ERC2: variants seen among roughly 807,000 people sequenced by gnomAD.
The protein encoded by ERC2 is ERC protein 2.
Under a neutral mutation model 114.8 loss-of-function variants are expected in ERC2, and 42 were observed. That is an observed-to-expected ratio of 0.37 (90% CI 0.29 to 0.47). ERC2 has a LOEUF of 0.47. ERC2 is among the 20% of genes least tolerant of loss of function. The pLI is 0.99. For missense variants in ERC2, 939 were observed against 1,150.7 expected (o/e 0.82, Z 2.66); for synonymous variants, 454 against 425.5 (o/e 1.07, Z -0.82).
At chr3:55,578,257 C>T (rs1325996316) in intron 17 of ERC2, among the ~76,000 whole-genome samples, 1 of 152,228 alleles carries the variant, frequency 6.6e-6, no homozygotes, top group Non-Finnish European at 1.5e-5. Flanking sequence ...CTTCTCCCAG[C>T]ACTTGTACCA....
chr3:55,936,432 G>A (rs1478986605), intron 13 of ERC2, among the ~76,000 whole-genome samples: 5 of 152,168 alleles, frequency 3.3e-5, no homozygotes, highest in Non-Finnish European at 5.9e-5. Context: ...AGACAGATAA[G>A]TATACAAATA....
At chr3:56,356,661 C>T (rs1238086926) in intron 2 of ERC2, among the ~76,000 whole-genome samples, 1 of 152,182 alleles carries the variant, frequency 6.6e-6, no homozygotes, top group East Asian at 1.9e-4. Context: ...AGATTTTACG[C>T]ATTCTCCACA....
chr3:56,170,599 T>TTTGG (rs1560298772), intron 4 of ERC2, among the ~76,000 whole-genome samples: 1 of 142,382 alleles, frequency 7.0e-6, no homozygotes, highest in Non-Finnish European at 1.5e-5. Flanking sequence ...TTTTTTTTTT[T>TTTGG]TTTTTTTTTT....
intron 4 of ERC2, among the ~76,000 whole-genome samples, chr3:56,162,641 T>G (rs954303271): frequency 2.0e-5 from 3 of 152,228 alleles, no homozygotes; most frequent in Admixed American, 1.3e-4. Context: ...ACCCAGTTCC[T>G]CTAGATTTTC....
At chr3:55,784,914 C>G (rs2069362680) in intron 14 of ERC2, among the ~76,000 whole-genome samples, 1 of 152,106 alleles carries the variant, frequency 6.6e-6, no homozygotes, top group Admixed American at 6.6e-5. Context: ...ATATTACTTA[C>G]CCCCTAATAT....
intron 13 of ERC2, among the ~76,000 whole-genome samples, chr3:55,915,302 C>T (rs1234823174): frequency 6.6e-6 from 1 of 151,948 alleles, no homozygotes; most frequent in Non-Finnish European, 1.5e-5. Context: ...TGTTGGCTTA[C>T]AGAAGACGTT....
intron 2 of ERC2, among the ~76,000 whole-genome samples, chr3:56,315,306 C>T (rs1164761787): frequency 6.6e-6 from 1 of 152,018 alleles, no homozygotes. Context: ...ATTAAGGGGC[C>T]ACTTAGGAAC....
Position 55,734,738 on chromosome 3 carries a change from A to G in ERC2, c.2712+33T>C, listed in dbSNP as rs1435564604. On this transcript the variant is annotated intron_variant, in intron 15 of 17. Transcript: ENST00000288221. ...AGAAAGCCCCCAAAGCCCCAAACCC[A>G]GAAAAACACACCTGTCTTGCAGGAG... is the stretch of plus-strand genomic sequence containing the variant. 3.8e-6 allele frequency: 6 copies of G among 1,584,344 alleles called. No homozygotes were observed. The East Asian group carries it at 1.1e-4, about 30-fold the overall frequency.
chr3:55,528,545 A>T (rs1423200997), intron 17 of ERC2, among the ~76,000 whole-genome samples: 15 of 152,132 alleles, frequency 9.9e-5, no homozygotes, highest in Non-Finnish European at 1.6e-4. Flanking sequence ...AAAAAAAAAA[A>T]TTTTAGCACT....
chr3:56,106,635 T>C (rs942296738), intron 6 of ERC2, among the ~76,000 whole-genome samples: 26 of 151,892 alleles, frequency 1.7e-4, no homozygotes, highest in African/African-American at 6.0e-4. Context: ...GCTGAAAAAA[T>C]GGAGAGCAAG....
intron 17 of ERC2, among the ~76,000 whole-genome samples, chr3:55,615,144 C>T (rs908849495): frequency 2.6e-5 from 4 of 152,210 alleles, no homozygotes; most frequent in East Asian, 1.9e-4. Context: ...AAGAGAAACA[C>T]GTACACTCTG....
At chr3:56,167,970 T>C (rs2082409112) in intron 4 of ERC2, among the ~76,000 whole-genome samples, 1 of 152,202 alleles carries the variant, frequency 6.6e-6, no homozygotes, top group South Asian at 2.1e-4. Flanking sequence ...TCTCATGAGC[T>C]GCCTCTACCC....
At chr3:56,369,561 G>A (rs1321787996) in intron 2 of ERC2, among the ~76,000 whole-genome samples, 1 of 152,220 alleles carries the variant, frequency 6.6e-6, no homozygotes, top group African/African-American at 2.4e-5. Context: ...GCTACCTAGA[G>A]GAGACTCTTA....
At chr3:56,169,821 A>C (rs998606666) in intron 4 of ERC2, among the ~76,000 whole-genome samples, 1 of 140,328 alleles carries the variant, frequency 7.1e-6, no homozygotes, top group Non-Finnish European at 1.6e-5. Flanking sequence ...AAAAAAAAAA[A>C]AACAAATGGC....
intron 1 of ERC2, among the ~76,000 whole-genome samples, chr3:56,443,761 T>C (rs2062428746): frequency 6.6e-6 from 1 of 152,130 alleles, no homozygotes; most frequent in South Asian, 2.1e-4. Context: ...TCAACTTTAT[T>C]GAGCAATCAA....
chr3:56,408,806 G>A (rs2060825720), intron 2 of ERC2, among the ~76,000 whole-genome samples: 1 of 152,226 alleles, frequency 6.6e-6, no homozygotes, highest in African/African-American at 2.4e-5. Flanking sequence ...GCTAAAGCCT[G>A]AGAGGGCAGT....
At chr3:55,731,026 TCA>T (rs1449303758) in intron 15 of ERC2, among the ~76,000 whole-genome samples, 1 of 152,214 alleles carries the variant, frequency 6.6e-6, no homozygotes, top group Non-Finnish European at 1.5e-5. Context: ...GATCTGGGAC[TCA>T]CCCTTCCAGG....
chr3:55,726,398 A>G (rs1044148511), intron 15 of ERC2, among the ~76,000 whole-genome samples: 4 of 152,236 alleles, frequency 2.6e-5, no homozygotes, highest in African/African-American at 9.6e-5. Flanking sequence ...CTGAAAGTGT[A>G]AATGGGAAGC....
chr3:56,387,885 A>G (rs1208453658), intron 2 of ERC2, among the ~76,000 whole-genome samples: 1 of 152,184 alleles, frequency 6.6e-6, no homozygotes, highest in Non-Finnish European at 1.5e-5. Flanking sequence ...CCTGCCTGTG[A>G]CTAGAATAAT....
Sources: allele counts gnomAD v4.1 joint callset (sites outside exome capture counted in the v4.1 genomes callset), GRCh38; gene constraint gnomAD v4.1.1; transcripts MANE v1.5; gene names NCBI Gene and HGNC (gene_info 2026-07-23, HGNC 2026-07-21).